Variants in PALB2 observed in about 807,000 individuals in gnomAD.
PALB2 encodes partner and localizer of BRCA2.
In PALB2, 82 loss-of-function variants were observed where a neutral mutation model predicts 107.4. The observed-to-expected ratio is 0.76, with a 90% CI of 0.64 to 0.92. The LOEUF is 0.92. Ranked by LOEUF, PALB2 falls within the 40% of genes least tolerant of loss-of-function variation. The pLI is 0.00. For missense variants in PALB2, 1,374 were observed against 1,379.9 expected, an observed-to-expected ratio of 1.00 and a Z score of 0.07; for synonymous variants, 489 against 496.8, an observed-to-expected ratio of 0.98 and a Z score of 0.21.
intron 12 of PALB2, among the ~76,000 whole-genome samples, chr16:23,605,264 C>T (rs1966449098): frequency 6.6e-6 from 1 of 152,104 alleles, no homozygotes; most frequent in Admixed American, 6.6e-5. Context: ...CAGTCTCTCC[C>T]CAACCCTCTA....
At chr16:23,640,603 G>C in intron 1 of PALB2, 1 of 233,776 alleles carries the variant, frequency 4.3e-6, no homozygotes, top group Non-Finnish European at 8.4e-6. Flanking sequence ...AAGCAAGGTA[G>C]ATAAACATGT....
intron 4 of PALB2, among the ~76,000 whole-genome samples, chr16:23,633,505 G>A (rs1398751523): frequency 6.6e-6 from 1 of 152,162 alleles, no homozygotes; most frequent in Admixed American, 6.5e-5. Flanking sequence ...CCCAGATTTT[G>A]TGCTTAGTTC....
intron 10 of PALB2, among the ~76,000 whole-genome samples, chr16:23,617,024 G>A (rs1966696355): frequency 1.3e-5 from 2 of 152,026 alleles, no homozygotes; most frequent in Admixed American, 1.3e-4. Flanking sequence ...GTGTTAGCCA[G>A]GATGGACTCC....
chr16:23,624,699 C>G (rs937335152), intron 7 of PALB2, among the ~76,000 whole-genome samples: 1 of 152,248 alleles, frequency 6.6e-6, no homozygotes, highest in Non-Finnish European at 1.5e-5. Context: ...TTAGGAGAGA[C>G]GGGGTTTCAC....
intron 11 of PALB2, 150 bp from the exon 12 acceptor site, chr16:23,608,162 T>C (rs1966516556): frequency 1.2e-6 from 1 of 828,226 alleles, no homozygotes; most frequent in Non-Finnish European, 1.9e-6. Context: ...TTGATTTTTT[T>C]CCCTGCCGTC....
At position 23,629,676 on chromosome 16, in the gene PALB2, G is replaced by A. The variant is rs786201885; in HGVS notation, c.2478C>T (p.Asn826=). The change falls in exon 5 of 13, where the codon AAC becomes AAT. Residue 826 remains asparagine (N), a synonymous_variant. Coordinates refer to ENST00000261584, the MANE Select transcript of PALB2 (RefSeq NM_024675.4). The part of the protein sequence containing the change: ...FTFKENQLCR[N]TCQELHKHSV... ...AATGTTTATGCAGCTCCTGGCATGT[G>A]TTTCTACAGAGCTGATTTTCTTTAA... The A allele has an allele frequency of 2.2e-5, 35 of 1,614,060 alleles. No individual in the cohort carries two copies. The highest frequency in any genetic ancestry group is 2.9e-5 in the Non-Finnish European group (34 of 1,180,030).
intron 11 of PALB2, among the ~76,000 whole-genome samples, chr16:23,611,144 G>T (rs1427976266): frequency 6.6e-6 from 1 of 150,526 alleles, no homozygotes; most frequent in African/African-American, 2.4e-5. Context: ...ATTCGTTGTT[G>T]TTGTTGTTCT....
At chr16:23,628,483 T>C (rs1474496928) in intron 6 of PALB2, among the ~76,000 whole-genome samples, 5 of 152,124 alleles carry the variant, frequency 3.3e-5, no homozygotes, top group African/African-American at 1.2e-4. Context: ...TAATGCAACA[T>C]TTTCAGTTAC....
Position 23,623,114 on chromosome 16 carries a change from A to G in PALB2, c.2851T>C (p.Ser951Pro), listed in dbSNP as rs149522412. 211 of 1,613,758 alleles carry G rather than the reference A, an allele frequency of 1.3e-4. 2 individuals carry two copies. The African/African-American group carries it at 1.8e-3, about 13-fold the overall frequency. ...ACTTGCTTTTCACTTTCATCATCAGAGGAACAAAACAATGCCCTAAGCCAA... is the reference window on the plus strand; with the variant it reads ...ACTTGCTTTTCACTTTCATCATCAGGGGAACAAAACAATGCCCTAAGCCAA... ...IREIRALFCS[S>P]DDESEKQVLL... The change falls in exon 9 of 13, where the codon TCT (serine) becomes CCT (proline). Residue 951 changes from serine to proline, a missense_variant. Physicochemically the swap from Ser to Pro is moderately conservative, Grantham distance 74. Coordinates refer to ENST00000261584, the MANE Select transcript of PALB2 (RefSeq NM_024675.4).
intron 11 of PALB2, among the ~76,000 whole-genome samples, chr16:23,608,838 T>A (rs1448562853): frequency 8.2e-6 from 1 of 122,422 alleles, no homozygotes; most frequent in African/African-American, 3.6e-5. Flanking sequence ...ATACAGATTT[T>A]TTTTTTTTGA....
At position 23,635,116 on chromosome 16, in the gene PALB2, G is replaced by A. The variant is rs1567221020; in HGVS notation, c.1430C>T (p.Thr477Ile). 1.2e-6 allele frequency: 2 copies of A among 1,614,120 alleles called. No individual in the cohort carries two copies. Among genetic ancestry groups the A allele is most frequent in the Non-Finnish European group, 1.7e-6 (2 of 1,180,004 alleles). ...AGTTAATGAGAGAAGTTTCTGAGAGGTTCTTGAACTTGGTTGTCCTGTGCA... is the reference window on the plus strand; with the variant it reads ...AGTTAATGAGAGAAGTTTCTGAGAGATTCTTGAACTTGGTTGTCCTGTGCA... ...GTCTGQPSSRTSQKLLSLTKV... is the reference protein window; with the variant it reads ...GTCTGQPSSRISQKLLSLTKV... Residue 477 changes from threonine to isoleucine, a missense_variant, in exon 4 of 13, where the codon ACC (threonine) becomes ATC (isoleucine). Coordinates refer to ENST00000261584, the MANE Select transcript of PALB2 (RefSeq NM_024675.4).
At chr16:23,627,411 C>CG (rs1389894182) in intron 6 of PALB2, among the ~76,000 whole-genome samples, 2 of 148,796 alleles carry the variant, frequency 1.3e-5, no homozygotes, top group Admixed American at 6.8e-5. Context: ...GGCGTGAACC[C>CG]GGGAAGCGGA....
At chr16:23,608,801 T>TATACACACACACAC (rs560756242) in intron 11 of PALB2, among the ~76,000 whole-genome samples, 3 of 143,810 alleles carry the variant, frequency 2.1e-5, no homozygotes, top group African/African-American at 7.9e-5. Flanking sequence ...TGTATATATA[T>TATACACACACACAC]ACACACACAC....
intron 12 of PALB2, among the ~76,000 whole-genome samples, chr16:23,604,486 G>A (rs1230955555): frequency 1.3e-5 from 2 of 152,242 alleles, no homozygotes; most frequent in Non-Finnish European, 2.9e-5. Context: ...GCTATTATTA[G>A]CCGGGTGTGG....
intron 11 of PALB2, among the ~76,000 whole-genome samples, chr16:23,613,383 T>C (rs1966621732): frequency 6.6e-6 from 1 of 151,968 alleles, no homozygotes; most frequent in Non-Finnish European, 1.5e-5. Flanking sequence ...GTGGCTCACA[T>C]CTGTAATACC....
In PALB2 at chr16:23,641,246, C is replaced by T. The variant is rs1177619166; in HGVS notation, c.-89G>A. The T allele has an allele frequency of 2.6e-6, 4 of 1,519,834 alleles. No individual in the cohort carries two copies. The highest frequency in any genetic ancestry group is 1.8e-6 in the Non-Finnish European group (2 of 1,114,798). The allele number at this position is 1,519,834 out of a possible 1,614,324, so 94.1% of individuals were successfully genotyped here. ...CAGTTGGCCCTGGGCCGGGGAGGCG[C>T]CCCAGGAAGGAATGGGGAGCCCGGG... On this transcript the variant is annotated 5_prime_UTR_variant, in exon 1 of 13. Transcript: ENST00000261584.
At chr16:23,609,771 C>T (rs1047597333) in intron 11 of PALB2, among the ~76,000 whole-genome samples, 11 of 152,216 alleles carry the variant, frequency 7.2e-5, no homozygotes, top group African/African-American at 2.7e-4. Flanking sequence ...CCGCCTTAGC[C>T]TCCCAAAGTG....
rs118203998 is a variant in PALB2, at chr16:23,603,471, G to C, written c.3549C>G (p.Tyr1183Ter). The change falls in exon 13 of 13, where the codon TAC (tyrosine) becomes TAG (stop). Residue 1183 changes from tyrosine to a stop codon, truncating the protein, a stop_gained. Transcript: ENST00000261584. LOFTEE classifies it high-confidence loss of function. Reference protein sequence around the residue: ...AGQKDGNIFVYHYS With the variant: ...AGQKDGNIFV The stretch of plus-strand genomic sequence containing the variant: ...ACTTTACCCTAACTTATGAATAGTG[G>C]TATACAAATATATTTCCATCTTTTT... 3.7e-5 allele frequency: 59 copies of C among 1,612,000 alleles called. No homozygotes were observed. The highest frequency in any genetic ancestry group is 4.8e-5 in the Non-Finnish European group (57 of 1,178,262).
At position 23,607,967 on chromosome 16, in the gene PALB2, C is replaced by T. The variant is rs747785029; in HGVS notation, c.3247G>A (p.Glu1083Lys). ...VLSHPCAKESESLRSPVFQLI... is the reference protein window; with the variant it reads ...VLSHPCAKESKSLRSPVFQLI... ...TGAAACACAGGGCTTCGCAACGACT[C>T]ACTCTCTTTGGCACAGGGATGACTC... The change falls in exon 12 of 13, where the codon GAG becomes AAG. Residue 1083 changes from glutamate to lysine, a missense_variant. By Grantham distance (56) the Glu-to-Lys change is moderately conservative. Coordinates refer to ENST00000261584, the MANE Select transcript of PALB2 (RefSeq NM_024675.4). The T allele has an allele frequency of 9.9e-6, 16 of 1,613,970 alleles. No homozygotes were observed. Among genetic ancestry groups the T allele is most frequent in the Admixed American group, 1.7e-5 (1 of 59,984 alleles).
Sources: allele counts gnomAD v4.1 joint callset (sites outside exome capture counted in the v4.1 genomes callset), GRCh38; gene constraint gnomAD v4.1.1; transcripts MANE v1.5; gene names NCBI Gene and HGNC (gene_info 2026-07-23, HGNC 2026-07-21).